RPS3: variants seen among roughly 807,000 people sequenced by gnomAD.
RPS3 encodes ribosomal protein S3.
Under a neutral mutation model 25.8 loss-of-function variants are expected in RPS3, and 2 were observed. The observed-to-expected ratio is 0.08, with a 90% CI of 0.03 to 0.24. The LOEUF (loss-of-function observed/expected upper bound fraction) is 0.24. Ranked by LOEUF, RPS3 falls within the 10% of genes least tolerant of loss-of-function variation. The probability of loss-of-function intolerance (pLI) is 1.00; values close to 1 mark genes in which losing one functional copy is unlikely to be tolerated. For synonymous variants in RPS3, 114 were observed against 114.2 expected (o/e 1.00, Z 0.01); for missense variants, 107 against 307.1 (o/e 0.35, Z 4.87).
In RPS3 at chr11:75,400,586, G is replaced by A. The variant is rs372042986; in HGVS notation, c.31-108G>A. Reference sequence around the variant, plus strand: ...AAGGGTTTGGAACCATTGGTTGGAGGTATTTAGTTTTGGTGAGGGATGCAT... The same window carrying A: ...AAGGGTTTGGAACCATTGGTTGGAGATATTTAGTTTTGGTGAGGGATGCAT... On this transcript the variant is annotated intron_variant, in intron 1 of 6. Coordinates refer to ENST00000531188, the MANE Select transcript of RPS3 (RefSeq NM_001005.5). The A allele has an allele frequency of 1.3e-5, 20 of 1,481,834 alleles. No homozygotes were observed. In the African/African-American group the frequency reaches 1.4e-4, roughly 10 times the overall value. The allele number at this position is 1,481,834 out of a possible 1,614,324, so 91.8% of individuals were successfully genotyped here.
At chr11:75,411,439 G>C (rs1480703705), downstream of RPS3, among the ~76,000 whole-genome samples, 1 of 152,002 alleles carries the variant, frequency 6.6e-6, no homozygotes, top group East Asian at 1.9e-4. Flanking sequence ...GCCCAGGCTG[G>C]AGTGCAGTGG....
chr11:75,416,650 G>T (rs898475069), intron 6 of RPS3, among the ~76,000 whole-genome samples: 6 of 152,066 alleles, frequency 3.9e-5, no homozygotes, highest in Non-Finnish European at 8.8e-5. Flanking sequence ...TAGAGACGGG[G>T]TTTCACCATG....
downstream of RPS3, among the ~76,000 whole-genome samples, chr11:75,408,241 A>G (rs1292654732): frequency 2.6e-5 from 4 of 152,164 alleles, no homozygotes; most frequent in Non-Finnish European, 5.9e-5. Context: ...GGTGGCTCAC[A>G]CCTGGAATCC....
chr11:75,400,905 C>A, intron 2 of RPS3, 81 bp downstream of exon 2: 1 of 1,470,846 alleles, frequency 6.8e-7, no homozygotes, highest in Non-Finnish European at 9.1e-7. Context: ...TTTTTTGAGA[C>A]GGAGTCTTGC....
At chr11:75,401,521 T>G in intron 2 of RPS3, 119 bp from the exon 3 acceptor site, 2 of 735,838 alleles carry the variant, frequency 2.7e-6, no homozygotes, top group South Asian at 3.6e-5. Flanking sequence ...AAAATTTTAG[T>G]TTTTGTCAAT....
chr11:75,400,956 C>T (rs1362314038), intron 2 of RPS3, 132 bp downstream of exon 2: 2 of 1,282,284 alleles, frequency 1.6e-6, no homozygotes, highest in East Asian at 7.1e-5. Context: ...GATCTCGGCT[C>T]ACTGCAAGCT....
downstream of RPS3, among the ~76,000 whole-genome samples, chr11:75,409,083 G>A (rs542521432): frequency 6.6e-6 from 1 of 152,236 alleles, no homozygotes; most frequent in East Asian, 1.9e-4. Flanking sequence ...CTGAGCTCAA[G>A]CCATCCTCCC....
Position 75,405,668 on chromosome 11 carries a change from A to G in RPS3, c.*58A>G, listed in dbSNP as rs1948276913. The G allele has an allele frequency of 2.2e-6, 1 of 455,994 alleles. No individual in the cohort carries two copies. Among genetic ancestry groups the G allele is most frequent in the African/African-American group, 2.0e-5 (1 of 50,038 alleles). The allele number at this position is 455,994 out of a possible 1,614,324, so 28.2% of individuals were successfully genotyped here. On this transcript the variant is annotated 3_prime_UTR_variant, in exon 7 of 7. Coordinates refer to ENST00000531188, the MANE Select transcript of RPS3 (RefSeq NM_001005.5). Reference sequence around the variant, plus strand: ...TGGATGTTGCTCTCTAAAGACCTTTAATAAAATTTTGTACAAAGACACAAG... The same window carrying G: ...TGGATGTTGCTCTCTAAAGACCTTTGATAAAATTTTGTACAAAGACACAAG...
At chr11:75,415,579 G>GGGT (rs1471580743) in intron 6 of RPS3, among the ~76,000 whole-genome samples, 2 of 152,158 alleles carry the variant, frequency 1.3e-5, no homozygotes, top group Non-Finnish European at 2.9e-5. Context: ...AGGCCAAGGT[G>GGGT]GGTGGATCAC....
chr11:75,407,295 G>A (rs1160939962), downstream of RPS3, among the ~76,000 whole-genome samples: 6 of 151,898 alleles, frequency 4.0e-5, no homozygotes, highest in Non-Finnish European at 8.8e-5. Flanking sequence ...CCGCCACCAT[G>A]CCCAGCTAAT....
rs1038437947 is a variant in RPS3, at chr11:75,402,249, A to T, written c.256-103A>T. On this transcript the variant is annotated intron_variant, in intron 3 of 6. Transcript: ENST00000531188. ...CAGCATGCGGCCCGTGGGTTGGGCA[A>T]GCTTGGTGTAGAAAGTGATACTTGT... 3.2e-6 allele frequency: 5 copies of T among 1,567,560 alleles called. No homozygotes were observed. In the African/African-American group the frequency reaches 6.8e-5, roughly 21 times the overall value.
chr11:75,402,250 G>C, intron 3 of RPS3, 102 bp from the exon 4 acceptor site: 2 of 1,569,538 alleles, frequency 1.3e-6, no homozygotes, highest in Non-Finnish European at 1.7e-6. Context: ...GGTTGGGCAA[G>C]CTTGGTGTAG....
chr11:75,420,766 AAAAG>A (rs1289418762), intron 6 of RPS3, among the ~76,000 whole-genome samples: 3 of 152,014 alleles, frequency 2.0e-5, no homozygotes, highest in African/African-American at 4.8e-5. Context: ...GAAGTCACAT[AAAAG>A]AAAGACCTGG....
chr11:75,420,475 G>T lies in RPS3; in HGVS notation c.*4-1252G>T, dbSNP rs550207985. 4.7e-4 allele frequency among the ~76,000 whole-genome samples: 72 copies of T among 152,338 alleles called. 2 individuals are homozygous for T. In the South Asian group the frequency reaches 0.015, roughly 32 times the overall value. On this transcript the variant is annotated intron_variant, in intron 6 of 6. Coordinates refer to the RPS3 transcript ENST00000527446. ...GTTAGCAGAGCCTGGGGGAGGCAGTGTGGAGAGAGCTGGCTTCGGAGATAG... is the reference window on the plus strand; with the variant it reads ...GTTAGCAGAGCCTGGGGGAGGCAGTTTGGAGAGAGCTGGCTTCGGAGATAG...
chr11:75,400,726 G>C lies in RPS3; in HGVS notation c.63G>C (p.Leu21=), dbSNP rs1309246736. 6.2e-7 allele frequency: 1 copy of C among 1,613,276 alleles called. No individual in the cohort carries two copies. Among genetic ancestry groups the C allele is most frequent in the Admixed American group, 1.7e-5 (1 of 60,016 alleles). The change falls in exon 2 of 7, where the codon CTG becomes CTC. Residue 21 remains leucine (L), a synonymous_variant. Coordinates refer to ENST00000531188, the MANE Select transcript of RPS3 (RefSeq NM_001005.5). ...FVADGIFKAE[L]NEFLTRELAE... is the part of the protein sequence containing the mutation. ...CTGATGGCATCTTCAAAGCTGAACT[G>C]AATGAGTTTCTTACTCGGGAGCTGG...
At chr11:75,401,583 A>AT (rs1327392402) in intron 2 of RPS3, 57 bp from the exon 3 acceptor site, 2 of 1,221,612 alleles carry the variant, frequency 1.6e-6, no homozygotes, top group African/African-American at 3.0e-5. Flanking sequence ...TATATGCAAG[A>AT]TTTAAAGTTA....
At chr11:75,416,461 T>TC (rs1437486706) in intron 6 of RPS3, among the ~76,000 whole-genome samples, 4 of 75,940 alleles carry the variant, frequency 5.3e-5, no homozygotes, top group Non-Finnish European at 8.7e-5. Flanking sequence ...ATTATTTCTA[T>TC]TTTTTTTTTT....
At chr11:75,402,471 C>CATG (rs1565163659) in intron 4 of RPS3, 25 bp downstream of exon 4, 1 of 1,587,366 alleles carries the variant, frequency 6.3e-7, no homozygotes, top group Non-Finnish European at 8.6e-7. Flanking sequence ...ACCTAATGGT[C>CATG]ATGACCTTTT....
Position 75,404,892 on chromosome 11 carries a change from T to C in RPS3, c.*3+24T>C. 1.3e-6 allele frequency: 2 copies of C among 1,512,206 alleles called. No homozygotes were observed. The highest frequency in any genetic ancestry group is 1.8e-6 in the Non-Finnish European group (2 of 1,113,936). 93.7% of individuals were successfully genotyped at this position (1,512,206 alleles called of 1,614,324 possible). On this transcript the variant is annotated intron_variant, in intron 6 of 6. Transcript: ENST00000531188. The surrounding 1 kb of genome is among the most constrained non-coding windows in gnomAD (Gnocchi z 4.6). ...AGGTATGTCTGCAAGGGCAGGGGCC[T>C]CTTGGGGCATAATAGGGTCCTTCCG... is the stretch of plus-strand genomic sequence containing the variant.
Sources: allele counts gnomAD v4.1 joint callset (sites outside exome capture counted in the v4.1 genomes callset), GRCh38; gene constraint gnomAD v4.1.1; non-coding constraint Gnocchi (gnomAD v3.1); transcripts MANE v1.5; gene names NCBI Gene and HGNC (gene_info 2026-07-23, HGNC 2026-07-21).